DIAPH2: variants seen among roughly 807,000 people sequenced by gnomAD.
DIAPH2 encodes the protein diaphanous related formin 2.
DIAPH2 carries 35 observed loss-of-function variants against 92.7 expected under a neutral mutation model. That is an observed-to-expected ratio of 0.38 (90% CI 0.29 to 0.50). DIAPH2 has a LOEUF of 0.50. DIAPH2 is among the 20% of genes least tolerant of loss of function. DIAPH2 has a pLI of 0.94. For missense variants in DIAPH2, 701 were observed against 819.5 expected, an observed-to-expected ratio of 0.86 and a Z score of 1.77; for synonymous variants, 301 against 280.4, an observed-to-expected ratio of 1.07 and a Z score of -0.73.
intron 22 of DIAPH2, among the ~76,000 whole-genome samples, chrX:97,181,131 G>A (rs1317340595): frequency 9.0e-6 from 1 of 110,499 alleles, no homozygotes; most frequent in Admixed American, 9.7e-5. Context: ...GTGCAGTGGT[G>A]TGATCTCGGC....
intron 20 of DIAPH2, among the ~76,000 whole-genome samples, chrX:97,105,013 T>C (rs754822910): frequency 1.2e-4 from 13 of 111,270 alleles, no homozygotes; most frequent in Admixed American, 1.1e-3. Flanking sequence ...GCTGTGCTTG[T>C]CCAGCTACTT....
At chrX:97,460,935 G>A (rs189961876) in intron 26 of DIAPH2, among the ~76,000 whole-genome samples, 4 of 112,288 alleles carry the variant, frequency 3.6e-5, no homozygotes, top group East Asian at 2.8e-4. Flanking sequence ...CGAATAGTTC[G>A]CTTGACCTTT....
chrX:96,900,976 T>C (rs1265659386), intron 5 of DIAPH2, among the ~76,000 whole-genome samples: 2 of 112,088 alleles, frequency 1.8e-5, no homozygotes, highest in East Asian at 5.6e-4. Flanking sequence ...ACTGGCTTCA[T>C]AGAAGGATTC....
At chrX:96,874,065 A>G (rs1035873590) in intron 4 of DIAPH2, among the ~76,000 whole-genome samples, 18 of 112,040 alleles carry the variant, frequency 1.6e-4, no homozygotes, top group African/African-American at 5.8e-4. Flanking sequence ...GTGTGGTATA[A>G]CAGGAAAATA....
rs973613177 is a variant in DIAPH2 at position 97,348,357 on chromosome X, G to A, written c.3009+77G>A. 6 of 890,879 alleles carry A rather than the reference G, an allele frequency of 6.7e-6. No individual in the cohort carries two copies. The African/African-American group carries it at 1.2e-4, about 18-fold the overall frequency. 73.4% of individuals were successfully genotyped at this position (890,879 alleles called of 1,213,427 possible). On this transcript the variant is annotated intron_variant, in intron 24 of 26. Coordinates refer to ENST00000324765, the MANE Select transcript of DIAPH2 (RefSeq NM_006729.5). ...TGTTTTCCTTCTATTGTCATTTTATGTTCCTATTGACTATATTGATTTCAT... is the reference window on the plus strand; with the variant it reads ...TGTTTTCCTTCTATTGTCATTTTATATTCCTATTGACTATATTGATTTCAT...
intron 26 of DIAPH2, among the ~76,000 whole-genome samples, chrX:97,489,410 A>C (rs1311382517): frequency 6.4e-5 from 7 of 110,189 alleles, no homozygotes; most frequent in African/African-American, 2.0e-4. Flanking sequence ...TTTTCCTCCC[A>C]ATTTTAATGT....
chrX:97,194,033 T>C (rs933357942), intron 22 of DIAPH2, among the ~76,000 whole-genome samples: 1 of 111,587 alleles, frequency 9.0e-6, no homozygotes, highest in Non-Finnish European at 1.9e-5. Context: ...TCACTCTCAT[T>C]TTGTGGATGA....
chrX:96,919,130 CT>C (rs1282413124), intron 9 of DIAPH2, among the ~76,000 whole-genome samples: 1 of 112,273 alleles, frequency 8.9e-6, no homozygotes, highest in Non-Finnish European at 1.9e-5. Context: ...AATGACAAAA[CT>C]CACTATCTTT....
At chrX:96,708,382 C>T (rs2063898887) in intron 1 of DIAPH2, among the ~76,000 whole-genome samples, 1 of 109,572 alleles carries the variant, frequency 9.1e-6, no homozygotes, top group African/African-American at 3.3e-5. Flanking sequence ...GCTGGGATTA[C>T]AGGCGCCTGC....
chrX:97,144,585 A>G (rs951161565), intron 22 of DIAPH2, among the ~76,000 whole-genome samples: 23 of 97,224 alleles, frequency 2.4e-4, no homozygotes, highest in African/African-American at 8.5e-4. Flanking sequence ...TAAAAAACTT[A>G]AGAATATATA....
intron 4 of DIAPH2, among the ~76,000 whole-genome samples, chrX:96,871,457 G>A (rs1220564808): frequency 4.0e-5 from 3 of 75,839 alleles, no homozygotes; most frequent in South Asian, 1.7e-3. Flanking sequence ...GCGACAGAGC[G>A]AGACTCCGTC....
chrX:96,733,290 C>T (rs745664396), intron 1 of DIAPH2, among the ~76,000 whole-genome samples: 1 of 111,836 alleles, frequency 8.9e-6, no homozygotes, highest in South Asian at 3.8e-4. Flanking sequence ...GCAGATGTTT[C>T]CATTTGAAAT....
At chrX:96,763,704 T>C (rs2064283410) in intron 4 of DIAPH2, among the ~76,000 whole-genome samples, 1 of 111,627 alleles carries the variant, frequency 9.0e-6, no homozygotes, top group Non-Finnish European at 1.9e-5. Context: ...TCCATGGCTG[T>C]CATTTAAAGG....
At chrX:96,821,074 G>A (rs966502009) in intron 4 of DIAPH2, among the ~76,000 whole-genome samples, 3 of 111,443 alleles carry the variant, frequency 2.7e-5, no homozygotes, top group African/African-American at 9.8e-5. Context: ...TAGTATGAGC[G>A]CCAAGTGATA....
Position 97,223,392 on chromosome X carries a change from G to A in DIAPH2, c.2720-24323G>A, listed in dbSNP as rs957961061. The stretch of plus-strand genomic sequence containing the variant: ...TTTTCAAATAGGAATGATTCAAATC[G>A]ACTTATATCAGCTTATGGTTTTTTG... On this transcript the variant is annotated intron_variant, in intron 22 of 26. Coordinates refer to ENST00000324765, the MANE Select transcript of DIAPH2 (RefSeq NM_006729.5). Among the ~76,000 whole-genome samples, 8 of 110,687 alleles carry A rather than the reference G, an allele frequency of 7.2e-5. No homozygotes were observed. The South Asian group carries it at 1.5e-3, about 21-fold the overall frequency.
rs760464557 is a variant in DIAPH2, at chrX:97,119,189, T to C, written c.2589+4224T>C. Among the ~76,000 whole-genome samples the C allele has an allele frequency of 1.5e-3, 170 of 111,214 alleles. 1 individual carries two copies. Among genetic ancestry groups the C allele is most frequent in the Non-Finnish European group, 2.1e-3 (111 of 53,001 alleles). On this transcript the variant is annotated intron_variant, in intron 21 of 26. Transcript: ENST00000324765. ...TTCCTTCTCATTTGGGTAGGCTCTG[T>C]CAGAGGGAAAATCTAGGGCTGAAGG...
At chrX:97,338,394 A>G (rs1382805004) in intron 23 of DIAPH2, among the ~76,000 whole-genome samples, 1 of 112,206 alleles carries the variant, frequency 8.9e-6, no homozygotes, top group Admixed American at 9.5e-5. Flanking sequence ...AAATGTTAAT[A>G]ATTTCTAACT....
At chrX:96,855,244 C>G (rs1277467030) in intron 4 of DIAPH2, among the ~76,000 whole-genome samples, 1 of 110,170 alleles carries the variant, frequency 9.1e-6, no homozygotes, top group Admixed American at 9.8e-5. Flanking sequence ...TATAGTATAA[C>G]TAAATTCATG....
At position 97,333,090 on chromosome X, in the gene DIAPH2, G is replaced by A. The variant is rs550695246; in HGVS notation, c.2845-15026G>A. ...TATTTCCAGAATATCCTATATTTGG[G>A]GGGAGTATATCAAGGCCAAGCATAT... is the stretch of plus-strand genomic sequence containing the variant. On this transcript the variant is annotated intron_variant, in intron 23 of 26. Transcript: ENST00000324765. Among the ~76,000 whole-genome samples the A allele has an allele frequency of 9.9e-5, 11 of 111,674 alleles. No homozygotes were observed. In the South Asian group the frequency reaches 4.2e-3, roughly 43 times the overall value.
Sources: gnomAD v4.1 joint callset for allele counts (sites outside exome capture counted in the v4.1 genomes callset) on GRCh38, gnomAD v4.1.1 for gene constraint, MANE v1.5 for transcripts, NCBI Gene and HGNC (gene_info 2026-07-23, HGNC 2026-07-21) for gene names.